Variants in GPC5 observed in about 807,000 individuals in gnomAD.
GPC5 encodes glypican 5.
Under a neutral mutation model 53.9 loss-of-function variants are expected in GPC5, and 47 were observed. That is an observed-to-expected ratio of 0.87 (90% CI 0.69 to 1.11). GPC5 has a LOEUF of 1.11. Ranked by LOEUF, GPC5 falls within the 50% of genes most tolerant of loss-of-function variation. The pLI is 0.00. For synonymous variants in GPC5, 286 were observed against 263.3 expected, an observed-to-expected ratio of 1.09 and a Z score of -0.84; for missense variants, 748 against 713.1, an observed-to-expected ratio of 1.05 and a Z score of -0.56.
chr13:91,546,950 T>C (rs2030329559), intron 2 of GPC5, among the ~76,000 whole-genome samples: 1 of 151,866 alleles, frequency 6.6e-6, no homozygotes, highest in Non-Finnish European at 1.5e-5. Flanking sequence ...GTAAGAATGG[T>C]GAGAAGGGAA....
chr13:92,556,183 A>C (rs1882487342), intron 7 of GPC5, among the ~76,000 whole-genome samples: 1 of 151,816 alleles, frequency 6.6e-6, no homozygotes, highest in African/African-American at 2.4e-5. Context: ...TGCTTTTTAC[A>C]AGTATTCCAG....
intron 6 of GPC5, among the ~76,000 whole-genome samples, chr13:91,955,394 C>G (rs572390784): frequency 6.6e-6 from 1 of 152,132 alleles, no homozygotes; most frequent in Non-Finnish European, 1.5e-5. Flanking sequence ...GTACACATCT[C>G]CTGGACAACG....
intron 1 of GPC5, among the ~76,000 whole-genome samples, chr13:91,443,397 C>A (rs1057108459): frequency 6.6e-6 from 1 of 152,080 alleles, no homozygotes; most frequent in African/African-American, 2.4e-5. Flanking sequence ...AGAGACCAAC[C>A]CAGTGGGCTC....
chr13:92,088,543 C>A (rs1280782766), intron 6 of GPC5, among the ~76,000 whole-genome samples: 3 of 152,098 alleles, frequency 2.0e-5, no homozygotes, highest in Non-Finnish European at 4.4e-5. Flanking sequence ...CTTTCACCTG[C>A]CTCCTTGCCT....
chr13:91,489,262 T>A (rs1424019938), intron 2 of GPC5, among the ~76,000 whole-genome samples: 1 of 152,186 alleles, frequency 6.6e-6, no homozygotes, highest in Non-Finnish European at 1.5e-5. Context: ...AAATCACTAA[T>A]AAAAACTTGC....
intron 7 of GPC5, chr13:92,446,621 A>T (rs1877838640): frequency 6.6e-6 from 1 of 151,970 alleles, no homozygotes; most frequent in Non-Finnish European, 1.5e-5. Flanking sequence ...CGATATACCG[A>T]TTTCCTTTCT....
intron 7 of GPC5, among the ~76,000 whole-genome samples, chr13:92,149,437 T>C (rs1000117853): frequency 3.9e-5 from 6 of 152,038 alleles, no homozygotes; most frequent in Non-Finnish European, 8.8e-5. Context: ...TACATTGCAA[T>C]ATTAAATTGC....
At chr13:92,224,827 T>G (rs1190991075) in intron 7 of GPC5, among the ~76,000 whole-genome samples, 1 of 152,204 alleles carries the variant, frequency 6.6e-6, no homozygotes, top group African/African-American at 2.4e-5. Context: ...CTTAGAAGCT[T>G]GTGCCTGGTT....
intron 7 of GPC5, among the ~76,000 whole-genome samples, chr13:92,765,055 A>AT (rs1875341104): frequency 6.6e-6 from 1 of 152,132 alleles, no homozygotes. Flanking sequence ...TCAATCTCAT[A>AT]TTTCTTCAGA....
chr13:92,548,181 C>T (rs1882193289), intron 7 of GPC5, among the ~76,000 whole-genome samples: 1 of 151,782 alleles, frequency 6.6e-6, no homozygotes, highest in African/African-American at 2.4e-5. Flanking sequence ...AGTTGAGATC[C>T]ACCTGTAAAC....
chr13:92,811,951 T>C (rs560638600), intron 7 of GPC5, among the ~76,000 whole-genome samples: 1 of 151,940 alleles, frequency 6.6e-6, no homozygotes, highest in Non-Finnish European at 1.5e-5. Context: ...TTGTATTCCA[T>C]TAGTCTGTAA....
chr13:92,181,261 A>G (rs1168370967), intron 7 of GPC5, among the ~76,000 whole-genome samples: 1 of 152,222 alleles, frequency 6.6e-6, no homozygotes, highest in Non-Finnish European at 1.5e-5. Flanking sequence ...AGATGAGCTC[A>G]GACAAGAAGA....
At chr13:92,820,919 A>T (rs1877652981) in intron 7 of GPC5, among the ~76,000 whole-genome samples, 1 of 152,168 alleles carries the variant, frequency 6.6e-6, no homozygotes, top group Non-Finnish European at 1.5e-5. Context: ...AACAGTGACG[A>T]AACTGCCTAA....
At chr13:91,846,881 G>A (rs1050110690) in intron 5 of GPC5, among the ~76,000 whole-genome samples, 1 of 152,080 alleles carries the variant, frequency 6.6e-6, no homozygotes, top group African/African-American at 2.4e-5. Context: ...TTGTTGGAGT[G>A]AAGATTAAGT....
intron 7 of GPC5, among the ~76,000 whole-genome samples, chr13:92,671,833 A>T (rs1312794248): frequency 6.6e-6 from 1 of 152,222 alleles, no homozygotes; most frequent in Non-Finnish European, 1.5e-5. Flanking sequence ...AGTGGTTTCC[A>T]TATTTAAAAA....
At chr13:91,972,540 T>C (rs1279933031) in intron 6 of GPC5, among the ~76,000 whole-genome samples, 1 of 152,220 alleles carries the variant, frequency 6.6e-6, no homozygotes, top group African/African-American at 2.4e-5. Context: ...GCTTGTTAGT[T>C]GATACAGTTT....
At chr13:92,730,477 T>G (rs2067293594) in intron 7 of GPC5, among the ~76,000 whole-genome samples, 1 of 151,404 alleles carries the variant, frequency 6.6e-6, no homozygotes, top group Admixed American at 6.6e-5. Flanking sequence ...TCATCTAGAT[T>G]TTTTTCCTGT....
intron 7 of GPC5, among the ~76,000 whole-genome samples, chr13:92,468,831 C>A (rs530283413): frequency 6.6e-6 from 1 of 152,118 alleles, no homozygotes. Flanking sequence ...CAAGTGTCAT[C>A]CTGTACCCAT....
At chr13:91,626,377 A>G (rs938416885) in intron 2 of GPC5, among the ~76,000 whole-genome samples, 1 of 152,178 alleles carries the variant, frequency 6.6e-6, no homozygotes, top group Admixed American at 6.6e-5. Context: ...AGTCTAGGAC[A>G]TGATATGGAA....
Sources: gnomAD v4.1 joint callset for allele counts (sites outside exome capture counted in the v4.1 genomes callset) on GRCh38, gnomAD v4.1.1 for gene constraint, MANE v1.5 for transcripts, NCBI Gene and HGNC (gene_info 2026-07-23, HGNC 2026-07-21) for gene names.